MTUS2: variants seen among roughly 807,000 people sequenced by gnomAD.
The protein encoded by MTUS2 is microtubule-associated tumor suppressor candidate 2.
Under a neutral mutation model 114.1 loss-of-function variants are expected in MTUS2, and 40 were observed. The observed-to-expected ratio is 0.35, with a 90% confidence interval of 0.27 to 0.46. The LOEUF is 0.46. Among genes scored for constraint, MTUS2 ranks in the 20% least tolerant of loss-of-function variants. The pLI, the probability that MTUS2 is intolerant of heterozygous loss-of-function variation, is 1.00. For missense variants in MTUS2, 1,679 were observed against 1,705.4 expected, an observed-to-expected ratio of 0.98 and a Z score of 0.27; for synonymous variants, 688 against 672.0, an observed-to-expected ratio of 1.02 and a Z score of -0.37.
intron 1 of MTUS2, among the ~76,000 whole-genome samples, chr13:28,837,460 A>G (rs1875170240): frequency 6.6e-6 from 1 of 152,158 alleles, no homozygotes; most frequent in African/African-American, 2.4e-5. Context: ...GGTAATTACC[A>G]GTGGCCTAGG....
intron 5 of MTUS2, among the ~76,000 whole-genome samples, chr13:29,250,716 G>A (rs1345595284): frequency 6.6e-6 from 1 of 151,992 alleles, no homozygotes; most frequent in African/African-American, 2.4e-5. Flanking sequence ...GAAAAATAGC[G>A]ATTAGTGTTG....
chr13:28,852,959 ACATACATACATACATT>A, intron 2 of MTUS2, among the ~76,000 whole-genome samples: 1 of 138,420 alleles, frequency 7.2e-6, no homozygotes. Context: ...ATACATACAT[ACATACATACATACATT>A]CATTCATTCA....
chr13:29,160,381 T>A (rs1194983716), intron 5 of MTUS2, among the ~76,000 whole-genome samples: 1 of 152,242 alleles, frequency 6.6e-6, no homozygotes, highest in East Asian at 1.9e-4. Context: ...ATAATACATA[T>A]AACATAGAAA....
intron 4 of MTUS2, among the ~76,000 whole-genome samples, chr13:29,054,034 A>C (rs1484301101): frequency 6.6e-6 from 1 of 152,212 alleles, no homozygotes; most frequent in Non-Finnish European, 1.5e-5. Context: ...CCCATGAGCA[A>C]TCTATGAGAG....
chr13:29,396,497 GA>G (rs1405443439), intron 8 of MTUS2, among the ~76,000 whole-genome samples: 2 of 152,192 alleles, frequency 1.3e-5, no homozygotes, highest in African/African-American at 2.4e-5. Flanking sequence ...TTAAGATTGT[GA>G]CTATCACAGT....
At chr13:29,310,696 T>C (rs1899715504) in intron 6 of MTUS2, among the ~76,000 whole-genome samples, 4 of 152,220 alleles carry the variant, frequency 2.6e-5, no homozygotes, top group Admixed American at 6.5e-5. Flanking sequence ...CAGCGAGGTG[T>C]ATATCCATTA....
chr13:29,213,406 C>A (rs1344701208), intron 5 of MTUS2, among the ~76,000 whole-genome samples: 1 of 152,190 alleles, frequency 6.6e-6, no homozygotes, highest in Non-Finnish European at 1.5e-5. Context: ...GATTTTCTCT[C>A]TATATGTTCT....
chr13:29,280,376 G>C (rs1403406671), intron 5 of MTUS2, among the ~76,000 whole-genome samples: 4 of 152,130 alleles, frequency 2.6e-5, no homozygotes, highest in East Asian at 1.9e-4. Context: ...ATAGGGCATA[G>C]GTCCTGTTTT....
At chr13:29,381,418 C>A (rs1472466313) in intron 8 of MTUS2, among the ~76,000 whole-genome samples, 1 of 152,156 alleles carries the variant, frequency 6.6e-6, no homozygotes, top group African/African-American at 2.4e-5. Flanking sequence ...ATAAGAATTA[C>A]TTATAGGTAT....
intron 5 of MTUS2, among the ~76,000 whole-genome samples, chr13:29,241,623 G>T (rs776608148): frequency 4.6e-5 from 7 of 152,134 alleles, no homozygotes; most frequent in Non-Finnish European, 8.8e-5. Context: ...TGCTACATTT[G>T]ATTGCATTTG....
chr13:28,884,523 T>C (rs1254053862), intron 2 of MTUS2, among the ~76,000 whole-genome samples: 2 of 152,142 alleles, frequency 1.3e-5, no homozygotes, highest in South Asian at 2.1e-4. Flanking sequence ...TAAAATAGTT[T>C]AACAGCTTAA....
At chr13:28,826,183 C>T (rs1874256191) in intron 1 of MTUS2, among the ~76,000 whole-genome samples, 1 of 152,056 alleles carries the variant, frequency 6.6e-6, no homozygotes, top group Non-Finnish European at 1.5e-5. Context: ...TTAATTATAA[C>T]CTTGTTTTGT....
intron 5 of MTUS2, among the ~76,000 whole-genome samples, chr13:29,237,071 G>C (rs893420814): frequency 6.6e-6 from 1 of 152,168 alleles, no homozygotes; most frequent in Non-Finnish European, 1.5e-5. Context: ...TAAGAGTTGT[G>C]TAGAAGACCA....
At chr13:29,010,055 A>G (rs1166298091) in intron 2 of MTUS2, among the ~76,000 whole-genome samples, 1 of 152,010 alleles carries the variant, frequency 6.6e-6, no homozygotes, top group Non-Finnish European at 1.5e-5. Flanking sequence ...ACTAAAAAAT[A>G]CAAAAATTAG....
chr13:29,100,137 A>C (rs1280189097), intron 4 of MTUS2, among the ~76,000 whole-genome samples: 1 of 152,176 alleles, frequency 6.6e-6, no homozygotes, highest in Admixed American at 6.5e-5. Flanking sequence ...TATCATTCCC[A>C]GTCTTCACAT....
At chr13:29,163,734 C>T (rs899060219) in intron 5 of MTUS2, among the ~76,000 whole-genome samples, 2 of 152,100 alleles carry the variant, frequency 1.3e-5, no homozygotes. Context: ...CCTGAGCGAG[C>T]GCATGTAGGG....
chr13:28,911,850 T>G (rs1219643877), intron 2 of MTUS2, among the ~76,000 whole-genome samples: 2 of 151,362 alleles, frequency 1.3e-5, no homozygotes, highest in Non-Finnish European at 2.9e-5. Flanking sequence ...TTAATGTTTT[T>G]TTTTTTTTTT....
At chr13:29,001,030 G>A (rs991948474) in intron 2 of MTUS2, among the ~76,000 whole-genome samples, 1 of 152,130 alleles carries the variant, frequency 6.6e-6, no homozygotes. Flanking sequence ...TGTAGGGAGG[G>A]TGCCAGCCCT....
intron 1 of MTUS2, among the ~76,000 whole-genome samples, chr13:28,824,592 T>C (rs1415627266): frequency 6.6e-6 from 1 of 152,180 alleles, no homozygotes; most frequent in East Asian, 1.9e-4. Flanking sequence ...AGCTCAGTTC[T>C]ATACTGAAGT....
Sources: gnomAD v4.1 joint callset for allele counts (sites outside exome capture counted in the v4.1 genomes callset) on GRCh38, gnomAD v4.1.1 for gene constraint, MANE v1.5 for transcripts, NCBI Gene and HGNC (gene_info 2026-07-23, HGNC 2026-07-21) for gene names.